The following CAPZB variants were observed in gnomAD, a reference collection of about 807,000 sequenced individuals.
CAPZB encodes the protein capping actin protein of muscle Z-line subunit beta, also known as F-actin-capping protein subunit beta.
Under a neutral mutation model 38.1 loss-of-function variants are expected in CAPZB, and 2 were observed. The observed-to-expected ratio is 0.05, with a 90% CI of 0.02 to 0.17. The LOEUF (loss-of-function observed/expected upper bound fraction) is 0.17, where lower values mean the gene tolerates loss of function less well. CAPZB is among the 10% of genes least tolerant of loss of function. The pLI is 1.00. For synonymous variants in CAPZB, 107 were observed against 127.4 expected (o/e 0.84, Z 1.08); for missense variants, 161 against 334.2 (o/e 0.48, Z 4.04).
At chr1:19,451,446 G>A (rs2094515689) in intron 1 of CAPZB, among the ~76,000 whole-genome samples, 1 of 152,184 alleles carries the variant, frequency 6.6e-6, no homozygotes, top group Non-Finnish European at 1.5e-5. Context: ...CTTTATTCCT[G>A]CTCCCCACCG....
chr1:19,452,936 TG>T (rs2094521526), intron 1 of CAPZB, among the ~76,000 whole-genome samples: 1 of 151,744 alleles, frequency 6.6e-6, no homozygotes, highest in Non-Finnish European at 1.5e-5. Flanking sequence ...CCCAAATGGC[TG>T]GGATTATAGG....
chr1:19,484,733 C>CG, intron 1 of CAPZB: 1 of 1,039,322 alleles, frequency 9.6e-7, no homozygotes, highest in Non-Finnish European at 1.2e-6. Context: ...GGGGACCGAG[C>CG]GGGGCTGACG....
Position 19,385,582 on chromosome 1 carries a change from T to C in CAPZB, c.138A>G (p.Pro46=). 1 of 1,614,084 alleles carries C rather than the reference T, an allele frequency of 6.2e-7. No homozygotes were observed. ...CCACCTTGTCTCTGGCAATTTTCAGTGGCTGGTCAACAGAAGACAGGAGAT... is the reference window on the plus strand; with the variant it reads ...CCACCTTGTCTCTGGCAATTTTCAGCGGCTGGTCAACAGAAGACAGGAGAT... ...CEDLLSSVDQ[P]LKIARDKVVG... Residue 46 remains proline (P), a synonymous_variant, in exon 3 of 9, where the codon CCA becomes CCG. Coordinates refer to ENST00000264202, the MANE Select transcript of CAPZB (RefSeq NM_004930.5).
intron 4 of CAPZB, among the ~76,000 whole-genome samples, chr1:19,366,218 G>T (rs1045878935): frequency 9.4e-5 from 14 of 149,128 alleles, no homozygotes; most frequent in African/African-American, 3.3e-4. Context: ...AGGCCAAGGT[G>T]GGGGGATCAC....
intron 6 of CAPZB, among the ~76,000 whole-genome samples, chr1:19,348,759 AG>A (rs34640043): frequency 0.12 from 11,900 of 98,366 alleles, 940 homozygotes; most frequent in East Asian, 0.3. Flanking sequence ...GCATCTGACA[AG>A]GGGGGGGGGC....
intron 4 of CAPZB, among the ~76,000 whole-genome samples, chr1:19,358,906 G>C (rs928946316): frequency 6.6e-6 from 1 of 152,226 alleles, no homozygotes; most frequent in African/African-American, 2.4e-5. Flanking sequence ...TTGGGAGTCA[G>C]ACAGACCCAA....
At chr1:19,385,701 A>G (rs748889242) in intron 2 of CAPZB, 75 bp from the exon 3 acceptor site, 1 of 1,581,706 alleles carries the variant, frequency 6.3e-7, no homozygotes, top group Non-Finnish European at 8.7e-7. Flanking sequence ...ACAATACTGC[A>G]GCCATATTGT....
chr1:19,371,844 C>A (rs2094121074), intron 4 of CAPZB, among the ~76,000 whole-genome samples: 1 of 152,272 alleles, frequency 6.6e-6, no homozygotes, highest in Non-Finnish European at 1.5e-5. Flanking sequence ...AAACATTTCT[C>A]ACATGTGAAC....
chr1:19,420,154 G>C (rs57447708), intron 1 of CAPZB: 1 of 160,762 alleles, frequency 6.2e-6, no homozygotes, highest in Non-Finnish European at 1.4e-5. Context: ...GTAAACATCA[G>C]GTAACATCCC....
chr1:19,430,492 G>A (rs955867286), intron 1 of CAPZB, among the ~76,000 whole-genome samples: 33 of 152,172 alleles, frequency 2.2e-4, no homozygotes, highest in African/African-American at 7.5e-4. Context: ...TGAACCTGGC[G>A]AAATGACAAA....
intron 1 of CAPZB, among the ~76,000 whole-genome samples, chr1:19,454,387 A>T (rs2094526517): frequency 6.6e-6 from 1 of 152,154 alleles, no homozygotes. Context: ...CTGCATCCTG[A>T]TCTTTAAAAC....
intron 6 of CAPZB, among the ~76,000 whole-genome samples, chr1:19,354,993 G>C (rs2094012397): frequency 6.6e-6 from 1 of 152,122 alleles, no homozygotes; most frequent in Admixed American, 6.5e-5. Context: ...TCCTGGGATG[G>C]GACTGTGACA....
chr1:19,412,301 C>T lies in CAPZB; in HGVS notation c.93+7360G>A, dbSNP rs181146055. On this transcript the variant is annotated intron_variant, in intron 2 of 8. Transcript: ENST00000264202. ...ACATTCGGCTCAGAGGAGAAAACTT[C>T]CAGGCAGACCCTAGGATGGGTAGGA... Among the ~76,000 whole-genome samples, 349 of 152,252 alleles carry T rather than the reference C, an allele frequency of 2.3e-3. 2 individuals carry two copies. The highest frequency in any genetic ancestry group is 8.3e-3 in the African/African-American group (345 of 41,562).
chr1:19,467,275 A>G (rs2094572070), intron 1 of CAPZB, among the ~76,000 whole-genome samples: 1 of 152,212 alleles, frequency 6.6e-6, no homozygotes, highest in Non-Finnish European at 1.5e-5. Flanking sequence ...TTGTGCTGGT[A>G]GACAGCCACA....
Position 19,476,918 on chromosome 1 carries a change from G to A in CAPZB, c.3+8518C>T, listed in dbSNP as rs74896313. 0.012 allele frequency among the ~76,000 whole-genome samples: 1,878 copies of A among 152,306 alleles called. 113 individuals are homozygous for A. In the East Asian group the frequency reaches 0.19, roughly 15 times the overall value. Reference sequence around the variant, plus strand: ...ATGGGCTGGTGCCAGAGAGGCAGGAGAGGGGAATTCCATCAGCATGCGCTG... The same window carrying A: ...ATGGGCTGGTGCCAGAGAGGCAGGAAAGGGGAATTCCATCAGCATGCGCTG... On this transcript the variant is annotated intron_variant, in intron 1 of 8. Coordinates refer to ENST00000264202, the MANE Select transcript of CAPZB (RefSeq NM_004930.5).
At chr1:19,476,170 AGATAGATAGAT>A (rs2094605742) in intron 1 of CAPZB, among the ~76,000 whole-genome samples, 1 of 1,722 alleles carries the variant, frequency 5.8e-4, no homozygotes, top group Admixed American at 8.2e-3. Flanking sequence ...AAAAATAAGT[AGATAGATAGAT>A]AGATAGATAG....
intron 1 of CAPZB, among the ~76,000 whole-genome samples, chr1:19,435,915 A>C (rs1010957435): frequency 1.3e-5 from 2 of 152,230 alleles, no homozygotes; most frequent in African/African-American, 2.4e-5. Context: ...TTGAGTCACA[A>C]GTGAGGAAGG....
intron 2 of CAPZB, among the ~76,000 whole-genome samples, chr1:19,419,456 T>G (rs1435279220): frequency 1.3e-5 from 2 of 152,162 alleles, no homozygotes; most frequent in Non-Finnish European, 2.9e-5. Context: ...AACTTGGGCT[T>G]CAACAACACA....
intron 2 of CAPZB, among the ~76,000 whole-genome samples, chr1:19,386,262 C>T (rs113883491): frequency 0.018 from 2,674 of 152,296 alleles, 77 homozygotes; most frequent in African/African-American, 0.061. Flanking sequence ...CGGGGGCTGG[C>T]AGGACTCAAA....
Sources: allele counts gnomAD v4.1 joint callset (sites outside exome capture counted in the v4.1 genomes callset), GRCh38; gene constraint gnomAD v4.1.1; transcripts MANE v1.5; gene names NCBI Gene and HGNC (gene_info 2026-07-23, HGNC 2026-07-21).